The following BZW2 variants were observed in gnomAD, a reference collection of about 807,000 sequenced individuals.
The protein encoded by BZW2 is eIF5-mimic protein 1.
Under a neutral mutation model 53.2 loss-of-function variants are expected in BZW2, and 23 were observed. That is an observed-to-expected ratio of 0.43 (90% CI 0.31 to 0.61). The LOEUF is 0.61. Ranked by LOEUF, BZW2 falls within the 20% of genes least tolerant of loss-of-function variation. The probability of loss-of-function intolerance (pLI) is 0.09; values close to 1 mark genes in which losing one functional copy is unlikely to be tolerated. For synonymous variants in BZW2, 227 were observed against 186.4 expected (o/e 1.22, Z -1.77); for missense variants, 409 against 503.1 (o/e 0.81, Z 1.79).
At chr7:16,662,551 T>C (rs1448683334) in intron 1 of BZW2, among the ~76,000 whole-genome samples, 1 of 152,056 alleles carries the variant, frequency 6.6e-6, no homozygotes, top group Non-Finnish European at 1.5e-5. Context: ...ATTCCATGAG[T>C]TTGTGTTCTA....
intron 1 of BZW2, among the ~76,000 whole-genome samples, chr7:16,653,358 C>A (rs1782034788): frequency 6.6e-6 from 1 of 152,132 alleles, no homozygotes. Flanking sequence ...AACACTTCAA[C>A]ACTCTTTTAC....
At chr7:16,659,026 C>A (rs759004428) in intron 1 of BZW2, among the ~76,000 whole-genome samples, 8 of 150,626 alleles carry the variant, frequency 5.3e-5, no homozygotes, top group Non-Finnish European at 4.4e-5. Context: ...ATTTGGGAGG[C>A]TGAGGCAGGA....
chr7:16,676,503 A>G (rs1184855), intron 3 of BZW2, among the ~76,000 whole-genome samples: 39,243 of 151,764 alleles, frequency 0.26, 5,424 homozygotes, highest in East Asian at 0.39. Flanking sequence ...AGCCGAGATC[A>G]CACCATTGCG....
At chr7:16,705,793 T>C (rs1783835962) in intron 11 of BZW2, among the ~76,000 whole-genome samples, 1 of 149,918 alleles carries the variant, frequency 6.7e-6, no homozygotes. Context: ...TTTATATGTA[T>C]AAATTTAATA....
chr7:16,671,385 G>A (rs971026009), intron 2 of BZW2, among the ~76,000 whole-genome samples: 1 of 152,002 alleles, frequency 6.6e-6, no homozygotes, highest in South Asian at 2.1e-4. Context: ...TCTTGAGTTG[G>A]GGGGCCTTAG....
chr7:16,699,192 G>A (rs1442443247), intron 10 of BZW2, among the ~76,000 whole-genome samples: 1 of 152,186 alleles, frequency 6.6e-6, no homozygotes, highest in Non-Finnish European at 1.5e-5. Context: ...ATAATAGTCA[G>A]GAGGAAAATA....
intron 10 of BZW2, among the ~76,000 whole-genome samples, chr7:16,698,883 A>G (rs1227264865): frequency 6.6e-6 from 1 of 152,240 alleles, no homozygotes; most frequent in Non-Finnish European, 1.5e-5. Flanking sequence ...TTTGAACATT[A>G]TAACATGTTT....
At chr7:16,659,027 T>C (rs1782187187) in intron 1 of BZW2, among the ~76,000 whole-genome samples, 1 of 150,684 alleles carries the variant, frequency 6.6e-6, no homozygotes, top group Admixed American at 6.6e-5. Context: ...TTTGGGAGGC[T>C]GAGGCAGGAG....
At chr7:16,654,705 T>G (rs1348135601) in intron 1 of BZW2, among the ~76,000 whole-genome samples, 1 of 63,232 alleles carries the variant, frequency 1.6e-5, no homozygotes, top group Non-Finnish European at 4.2e-5. Flanking sequence ...TGGCTAATTG[T>G]TTTTTTTTTT....
Position 16,661,711 on chromosome 7 carries a change from A to G in BZW2, c.-7-3726A>G, listed in dbSNP as rs141303949. Among the ~76,000 whole-genome samples the G allele has an allele frequency of 8.1e-3, 1,231 of 152,230 alleles. 18 individuals are homozygous for G. The highest frequency in any genetic ancestry group is 0.028 in the African/African-American group (1,181 of 41,564). On this transcript the variant is annotated intron_variant, in intron 1 of 11. Coordinates refer to ENST00000258761, the MANE Select transcript of BZW2 (RefSeq NM_014038.3). ...CAAGAAATGTAGTCTCTTAGGTGAC[A>G]TGTGAAATACTTAAGTCCATTTTGT...
chr7:16,669,752 T>G (rs1782542930), intron 2 of BZW2, among the ~76,000 whole-genome samples: 1 of 152,202 alleles, frequency 6.6e-6, no homozygotes, highest in Admixed American at 6.5e-5. Flanking sequence ...GGCCCATTTC[T>G]TCTCTATGTC....
chr7:16,681,764 G>T (rs1004045628), intron 4 of BZW2, among the ~76,000 whole-genome samples: 1 of 152,158 alleles, frequency 6.6e-6, no homozygotes, highest in African/African-American at 2.4e-5. Context: ...CCCAGAAGGC[G>T]GAGGTTGCAG....
Position 16,694,786 on chromosome 7 carries a change from T to G in BZW2, c.652-48T>G, listed in dbSNP as rs775072497. On this transcript the variant is annotated intron_variant, in intron 7 of 11. Transcript: ENST00000258761. Reference sequence around the variant, plus strand: ...GAAGACTTTTGTCCTTTATGCTTGCTGAAATTTGAATGGCTTGTTTTATAG... The same window carrying G: ...GAAGACTTTTGTCCTTTATGCTTGCGGAAATTTGAATGGCTTGTTTTATAG... 5.0e-6 allele frequency: 7 copies of G among 1,410,378 alleles called. No homozygotes were observed. The Admixed American group carries it at 6.3e-5, about 13-fold the overall frequency. The allele number at this position is 1,410,378 out of a possible 1,614,324, so 87.4% of individuals were successfully genotyped here.
chr7:16,655,728 T>A (rs572714590), intron 1 of BZW2, among the ~76,000 whole-genome samples: 1 of 152,226 alleles, frequency 6.6e-6, no homozygotes, highest in Admixed American at 6.5e-5. Context: ...ACTTCTGTGA[T>A]ACCAACTTTT....
chr7:16,697,575 T>C (rs1372719856), intron 9 of BZW2, among the ~76,000 whole-genome samples: 3 of 152,204 alleles, frequency 2.0e-5, no homozygotes, highest in African/African-American at 7.2e-5. Context: ...AAGTATTGAA[T>C]TGAGTAAGTC....
chr7:16,686,907 T>G (rs1412075842), intron 6 of BZW2: 1 of 152,220 alleles, frequency 6.6e-6, no homozygotes, highest in African/African-American at 2.4e-5. Flanking sequence ...TCAGACTCTG[T>G]AATTGTTAGA....
intron 1 of BZW2, chr7:16,661,399 A>G (rs1583705433): frequency 6.6e-6 from 1 of 152,124 alleles, no homozygotes; most frequent in East Asian, 1.9e-4. Context: ...TTGCTATGAG[A>G]TGCATCTGTG....
chr7:16,697,750 G>A, intron 9 of BZW2, among the ~76,000 whole-genome samples: 1 of 152,130 alleles, frequency 6.6e-6, no homozygotes, highest in South Asian at 2.1e-4. Context: ...CTATGTCTAA[G>A]GGATATTTCG....
chr7:16,702,675 A>G (rs1020360447), intron 10 of BZW2, among the ~76,000 whole-genome samples: 1 of 152,172 alleles, frequency 6.6e-6, no homozygotes, highest in Non-Finnish European at 1.5e-5. Flanking sequence ...AGGAAAGCTC[A>G]GACAAATAGT....
Sources: allele counts gnomAD v4.1 joint callset (sites outside exome capture counted in the v4.1 genomes callset), GRCh38; gene constraint gnomAD v4.1.1; transcripts MANE v1.5; gene names NCBI Gene and HGNC (gene_info 2026-07-23, HGNC 2026-07-21).